The following KCNT1 variants were observed in gnomAD, a reference collection of about 807,000 sequenced individuals.
KCNT1 encodes the protein potassium sodium-activated channel subfamily T member 1, also known as potassium channel subfamily T member 1.
Under a neutral mutation model 147.8 loss-of-function variants are expected in KCNT1, and 78 were observed. The observed-to-expected ratio is 0.53, with a 90% CI of 0.44 to 0.64. KCNT1 has a LOEUF of 0.64. Ranked by LOEUF, KCNT1 falls within the 30% of genes least tolerant of loss-of-function variation. The probability of loss-of-function intolerance (pLI) is 0.00; values close to 1 mark genes in which losing one functional copy is unlikely to be tolerated. For missense variants in KCNT1, 1,419 were observed against 1,750.3 expected (o/e 0.81, Z 3.38); for synonymous variants, 867 against 748.8 (o/e 1.16, Z -2.58).
intron 1 of KCNT1, among the ~76,000 whole-genome samples, chr9:135,711,793 G>A (rs488704): frequency 0.85 from 130,114 of 152,242 alleles, 56,403 homozygotes; most frequent in Non-Finnish European, 0.93. Flanking sequence ...GCTGGGCGCC[G>A]GCCACCCTGG....
chr9:135,777,806 C>T (rs552967122), intron 21 of KCNT1, among the ~76,000 whole-genome samples: 2 of 151,244 alleles, frequency 1.3e-5, no homozygotes, highest in East Asian at 2.0e-4. Context: ...CCACCCAACT[C>T]CCAGCTCCTC....
chr9:135,747,923 C>T (rs978079222), intron 2 of KCNT1, among the ~76,000 whole-genome samples: 12 of 152,142 alleles, frequency 7.9e-5, no homozygotes, highest in African/African-American at 2.9e-4. Flanking sequence ...ACCCTGGACC[C>T]TTCTTCATTT....
At chr9:135,723,145 G>C (rs10858156) in intron 2 of KCNT1, among the ~76,000 whole-genome samples, 2 of 152,138 alleles carry the variant, frequency 1.3e-5, no homozygotes, top group Non-Finnish European at 2.9e-5. Flanking sequence ...AGTCAGTGAC[G>C]GGCGTGGCTC....
chr9:135,703,752 G>A (rs565507071), intron 1 of KCNT1, among the ~76,000 whole-genome samples: 1 of 152,308 alleles, frequency 6.6e-6, no homozygotes, highest in South Asian at 2.1e-4. Context: ...CTACCCTGCT[G>A]GGCCTGACCT....
intron 2 of KCNT1, among the ~76,000 whole-genome samples, chr9:135,728,733 C>T (rs1020896356): frequency 5.3e-5 from 8 of 152,220 alleles, no homozygotes; most frequent in South Asian, 2.1e-4. Flanking sequence ...ATCTCCCCAG[C>T]GGCCCCGGCA....
At chr9:135,702,867 G>A (rs1835089977) in intron 1 of KCNT1, 1 of 157,150 alleles carries the variant, frequency 6.4e-6, no homozygotes, top group Admixed American at 6.3e-5. Context: ...GTGGGAAGTG[G>A]GCTAAGTGGC....
intron 29 of KCNT1, 99 bp downstream of exon 29, chr9:135,786,620 C>T (rs1312726029): frequency 1.7e-5 from 19 of 1,140,566 alleles, no homozygotes; most frequent in South Asian, 3.3e-5. Flanking sequence ...GGGCCCGGGC[C>T]GTCCTCCTGT....
At chr9:135,772,667 A>C (rs933641648) in intron 18 of KCNT1, 48 bp from the exon 19 acceptor site, 4 of 1,327,512 alleles carry the variant, frequency 3.0e-6, no homozygotes, top group Non-Finnish European at 3.9e-6. Flanking sequence ...CTCGCCGCCC[A>C]TGGAGGGTGG....
At chr9:135,789,013 C>G (rs1163912252) in intron 29 of KCNT1, 1 of 150,832 alleles carries the variant, frequency 6.6e-6, no homozygotes, top group Non-Finnish European at 1.5e-5. Flanking sequence ...AGGGCCAGGC[C>G]TGGGGCAGCC....
At chr9:135,744,476 G>A (rs1211724717) in intron 2 of KCNT1, among the ~76,000 whole-genome samples, 1 of 152,222 alleles carries the variant, frequency 6.6e-6, no homozygotes, top group African/African-American at 2.4e-5. Flanking sequence ...TTGCAGGACT[G>A]GGGCAGAGCC....
At chr9:135,774,246 C>CGTGTGTGGT (rs373483354) in intron 19 of KCNT1, among the ~76,000 whole-genome samples, 7 of 120,188 alleles carry the variant, frequency 5.8e-5, no homozygotes, top group Non-Finnish European at 8.9e-5. Context: ...GGTGTGTGTC[C>CGTGTGTGGT]GTGTGTGGTG....
At chr9:135,771,261 ACGGGAGACCAGGCAGGG>A (rs1335628027) in intron 18 of KCNT1, 166 bp downstream of exon 18, 9 of 650,932 alleles carry the variant, frequency 1.4e-5, no homozygotes, top group Admixed American at 5.5e-5. Context: ...ACCAGGTGGG[ACGGGAGACCAGGCAGGG>A]CGGGAGACCA....
intron 1 of KCNT1, among the ~76,000 whole-genome samples, chr9:135,713,638 G>A (rs1005810662): frequency 6.6e-6 from 1 of 152,162 alleles, no homozygotes; most frequent in Non-Finnish European, 1.5e-5. Context: ...GCCCGTGGGG[G>A]AGCCAGCCCC....
chr9:135,765,001 C>T (rs781729913), intron 11 of KCNT1, 30 bp from the exon 12 acceptor site: 9 of 1,587,224 alleles, frequency 5.7e-6, no homozygotes, highest in East Asian at 2.3e-5. Flanking sequence ...CAGGCCTGGT[C>T]GCTGGTGCTC....
In KCNT1 at chr9:135,765,703, A is replaced by G; in HGVS notation, c.1280A>G (p.Gln427Arg). ...GTCCTGCAGATCCCTCTGTGGTCCC[A>G]GCGGGTCATCTACCTCCAGGGCTCT... ...RRVLQIPLWSQRVIYLQGSAL... is the reference protein window; with the variant it reads ...RRVLQIPLWSRRVIYLQGSAL... The change falls in exon 13 of 31, where the codon CAG becomes CGG. Residue 427 changes from glutamine to arginine, a missense_variant. Around this residue, in one of 5 missense-constraint regions of KCNT1, gnomAD observed 401 missense variants for 610.6 expected, o/e 0.66. Coordinates refer to ENST00000371757, the MANE Select transcript of KCNT1 (RefSeq NM_020822.3). The G allele has an allele frequency of 6.2e-7, 1 of 1,610,870 alleles. No individual in the cohort carries two copies. Among genetic ancestry groups the G allele is most frequent in the Non-Finnish European group, 8.5e-7 (1 of 1,178,920 alleles).
chr9:135,743,937 A>G (rs994306952), intron 2 of KCNT1, among the ~76,000 whole-genome samples: 2 of 152,234 alleles, frequency 1.3e-5, no homozygotes, highest in Non-Finnish European at 2.9e-5. Context: ...CAGGCTCAGA[A>G]TAGCTGGCCC....
chr9:135,752,543 C>G lies in KCNT1; in HGVS notation c.435-1394C>G, dbSNP rs890909525. 2.4e-6 allele frequency: 1 copy of G among 424,182 alleles called. No individual in the cohort carries two copies. Among genetic ancestry groups the G allele is most frequent in the South Asian group, 1.7e-5 (1 of 59,164 alleles). 26.3% of individuals were successfully genotyped at this position (424,182 alleles called of 1,614,324 possible). ...GCCCAAGTCTGTTGTGTTCACTGCC[C>G]GTCCCCTAGCACAGCGTCCAGGACA... On this transcript the variant is annotated intron_variant, in intron 4 of 30. Transcript: ENST00000371757. The surrounding 1 kb of genome is among the most constrained non-coding windows in gnomAD (Gnocchi z 5.1).
At chr9:135,723,505 C>T (rs1836006374) in intron 2 of KCNT1, among the ~76,000 whole-genome samples, 1 of 152,206 alleles carries the variant, frequency 6.6e-6, no homozygotes, top group South Asian at 2.1e-4. Flanking sequence ...TCTTGTGCAC[C>T]ACGTGAGCGT....
Position 135,778,759 on chromosome 9 carries a change from T to C in KCNT1, c.2666T>C (p.Met889Thr). 1.2e-6 allele frequency: 2 copies of C among 1,613,796 alleles called. No homozygotes were observed. The highest frequency in any genetic ancestry group is 1.7e-6 in the Non-Finnish European group (2 of 1,179,904). The change falls in exon 23 of 31, where the codon ATG (methionine) becomes ACG (threonine). Residue 889 changes from methionine to threonine, a missense_variant. Met to Thr is a moderately conservative substitution (Grantham distance 81, BLOSUM62 -1). This residue lies in a region of KCNT1 where 247 missense variants were observed against 397.1 expected (regional missense o/e 0.62). Transcript: ENST00000371757. ...GTGGTGGTGGACAAGGAGAGCACCA[T>C]GAGCGCCGAGGAGGACTACATGGCG... ...NLVVVDKESTMSAEEDYMADA... is the reference protein window; with the variant it reads ...NLVVVDKESTTSAEEDYMADA...
Sources: gnomAD v4.1 joint callset for allele counts (sites outside exome capture counted in the v4.1 genomes callset) on GRCh38, gnomAD v4.1.1 for gene constraint, gnomAD v4.1.1 regional missense constraint, Gnocchi (gnomAD v3.1) non-coding constraint, MANE v1.5 for transcripts, NCBI Gene and HGNC (gene_info 2026-07-23, HGNC 2026-07-21) for gene names.